PID1: variants seen among roughly 807,000 people sequenced by gnomAD.
PID1 encodes phosphotyrosine interaction domain containing 1, also known as PTB-containing, cubilin and LRP1-interacting protein.
PID1 carries 10 observed loss-of-function variants against 19.1 expected under a neutral mutation model. The ratio of observed to expected loss-of-function variants is 0.52; its 90% confidence interval spans 0.32 to 0.89. The LOEUF (loss-of-function observed/expected upper bound fraction) is 0.89. Among genes scored for constraint, PID1 ranks in the 40% least tolerant of loss-of-function variants. The pLI is 0.03. For synonymous variants in PID1, 130 were observed against 116.0 expected (o/e 1.12, Z -0.78); for missense variants, 248 against 285.3 (o/e 0.87, Z 0.94).
chr2:229,092,650 C>T (rs528784101), intron 2 of PID1, among the ~76,000 whole-genome samples: 9 of 152,236 alleles, frequency 5.9e-5, no homozygotes, highest in Admixed American at 5.9e-4. Context: ...CAAGTGCTGA[C>T]CGAGAGCTTT....
At chr2:229,100,117 C>A (rs1247419736) in intron 2 of PID1, among the ~76,000 whole-genome samples, 1 of 152,164 alleles carries the variant, frequency 6.6e-6, no homozygotes, top group Non-Finnish European at 1.5e-5. Context: ...AGGCCCCTTA[C>A]CAGACACTGG....
At chr2:229,208,079 A>G (rs371528094) in intron 1 of PID1, among the ~76,000 whole-genome samples, 7 of 152,272 alleles carry the variant, frequency 4.6e-5, no homozygotes, top group African/African-American at 1.7e-4. Flanking sequence ...CACCACAAAT[A>G]ATCAGTTTGC....
intron 1 of PID1, among the ~76,000 whole-genome samples, chr2:229,197,360 A>G (rs1691399657): frequency 6.6e-6 from 1 of 152,060 alleles, no homozygotes; most frequent in Admixed American, 6.6e-5. Context: ...GTGTTACAGC[A>G]TAGTCTGGAA....
intron 2 of PID1, among the ~76,000 whole-genome samples, chr2:229,137,166 C>T (rs969192092): frequency 4.6e-5 from 7 of 152,080 alleles, no homozygotes; most frequent in South Asian, 2.1e-4. Context: ...TAAAATAAAC[C>T]GCATTGAGGA....
intron 2 of PID1, among the ~76,000 whole-genome samples, chr2:229,047,966 T>C (rs1693917004): frequency 6.6e-6 from 1 of 152,242 alleles, no homozygotes; most frequent in Admixed American, 6.5e-5. Flanking sequence ...GTCTGCATAG[T>C]AAGACTGCTG....
chr2:229,061,632 T>A lies in PID1; in HGVS notation c.178-35524A>T, dbSNP rs193238160. Among the ~76,000 whole-genome samples the A allele has an allele frequency of 2.7e-4, 41 of 152,098 alleles. 1 individual carries two copies. Among genetic ancestry groups the A allele is most frequent in the Middle Eastern group, 6.8e-3 (2 of 294 alleles). On this transcript the variant is annotated intron_variant, in intron 2 of 2. Coordinates refer to ENST00000392055, the MANE Select transcript of PID1 (RefSeq NM_001100818.2). ...ATGAATTTTAGGATTATATTTTCTA[T>A]TTCCTTGAAAAAAATGACATTAGAA...
intron 2 of PID1, among the ~76,000 whole-genome samples, chr2:229,123,178 C>A (rs1220364295): frequency 6.6e-6 from 1 of 152,140 alleles, no homozygotes; most frequent in Admixed American, 6.5e-5. Flanking sequence ...CTCCATCCTA[C>A]CACCAGGCCC....
intron 2 of PID1, among the ~76,000 whole-genome samples, chr2:229,078,407 G>C (rs1054376826): frequency 6.6e-6 from 1 of 152,074 alleles, no homozygotes; most frequent in Admixed American, 6.6e-5. Context: ...TTACCTGATT[G>C]CCCTGGTCAG....
chr2:229,145,156 T>TATAC (rs1690102124), intron 2 of PID1, among the ~76,000 whole-genome samples: 1 of 9,806 alleles, frequency 1.0e-4, no homozygotes. Context: ...TATGTATGTG[T>TATAC]ATATATATAT....
At chr2:229,192,268 G>A (rs985579836) in intron 1 of PID1, among the ~76,000 whole-genome samples, 7 of 152,260 alleles carry the variant, frequency 4.6e-5, no homozygotes, top group African/African-American at 1.7e-4. Context: ...TGTGTCAACT[G>A]TTGTCACTAG....
chr2:229,070,433 T>C (rs925032955), intron 2 of PID1, among the ~76,000 whole-genome samples: 3 of 152,242 alleles, frequency 2.0e-5, no homozygotes, highest in South Asian at 2.1e-4. Context: ...ATATGATTCA[T>C]AGAGGAAGTA....
intron 1 of PID1, among the ~76,000 whole-genome samples, chr2:229,243,823 A>G (rs1188701393): frequency 6.6e-6 from 1 of 152,046 alleles, no homozygotes; most frequent in Non-Finnish European, 1.5e-5. Flanking sequence ...ATGTATTTTT[A>G]CACAAAGTTA....
intron 2 of PID1, among the ~76,000 whole-genome samples, chr2:229,133,908 T>C (rs912987007): frequency 6.6e-6 from 1 of 152,126 alleles, no homozygotes; most frequent in Non-Finnish European, 1.5e-5. Flanking sequence ...GCATTAGGTA[T>C]ATCTCCTAAT....
chr2:229,177,415 T>C (rs755103684), intron 1 of PID1, among the ~76,000 whole-genome samples: 1 of 152,198 alleles, frequency 6.6e-6, no homozygotes, highest in Non-Finnish European at 1.5e-5. Flanking sequence ...TTAGCCATAA[T>C]TGTTACGTGA....
rs1429267834 is a variant in PID1 at position 229,139,139 on chromosome 2, A to G, written c.177+16679T>C. Among the ~76,000 whole-genome samples, 139 of 123,892 alleles carry G rather than the reference A, an allele frequency of 1.1e-3. 12 individuals carry two copies. Among genetic ancestry groups the G allele is most frequent in the African/African-American group, 4.3e-3 (133 of 31,034 alleles). 81.3% of individuals were successfully genotyped at this position (123,892 alleles called of 152,430 possible). ...AGAGAAAGAAAGAAAGAAAGAAAGA[A>G]AGAAAGAAAGCAAGCGAGCGAGCAA... On this transcript the variant is annotated intron_variant, in intron 2 of 2. Transcript: ENST00000392055.
At chr2:229,250,971 A>T (rs1690135528) in intron 1 of PID1, among the ~76,000 whole-genome samples, 1 of 152,226 alleles carries the variant, frequency 6.6e-6, no homozygotes, top group African/African-American at 2.4e-5. Flanking sequence ...ATTTGCTGAA[A>T]GTAAAGACTA....
intron 2 of PID1, among the ~76,000 whole-genome samples, chr2:229,146,371 A>G (rs1443996442): frequency 1.3e-5 from 2 of 152,174 alleles, no homozygotes; most frequent in Non-Finnish European, 2.9e-5. Context: ...ACAAATACCT[A>G]ATGCATGCAG....
At chr2:229,121,611 T>C (rs1695522519) in intron 2 of PID1, among the ~76,000 whole-genome samples, 1 of 152,200 alleles carries the variant, frequency 6.6e-6, no homozygotes, top group South Asian at 2.1e-4. Context: ...AGCTGGGTAA[T>C]GACTAACTAC....
intron 2 of PID1, among the ~76,000 whole-genome samples, chr2:229,048,040 T>C (rs978562034): frequency 6.6e-6 from 1 of 152,210 alleles, no homozygotes; most frequent in Non-Finnish European, 1.5e-5. Context: ...TTTTGCTTTT[T>C]AGGGTGAGCC....
Sources: gnomAD v4.1 joint callset for allele counts (sites outside exome capture counted in the v4.1 genomes callset) on GRCh38, gnomAD v4.1.1 for gene constraint, MANE v1.5 for transcripts, NCBI Gene and HGNC (gene_info 2026-07-23, HGNC 2026-07-21) for gene names.